The following TRRAP variants were observed in gnomAD, a reference collection of about 807,000 sequenced individuals.
TRRAP encodes transformation/transcription domain-associated protein.
A neutral mutation model predicts 438.8 loss-of-function variants in TRRAP; 41 were observed. The observed-to-expected ratio is 0.09, with a 90% CI of 0.07 to 0.12. The LOEUF (loss-of-function observed/expected upper bound fraction) is 0.12, where lower values mean the gene tolerates loss of function less well. TRRAP is among the 10% of genes least tolerant of loss of function. The probability of loss-of-function intolerance (pLI) is 1.00; values close to 1 mark genes in which losing one functional copy is unlikely to be tolerated. For synonymous variants in TRRAP, 1,994 were observed against 1,962.9 expected, an observed-to-expected ratio of 1.02 and a Z score of -0.42; for missense variants, 3,122 against 5,055.1, an observed-to-expected ratio of 0.62 and a Z score of 11.60.
At position 98,981,877 on chromosome 7, in the gene TRRAP, G is replaced by A; in HGVS notation, c.8743G>A (p.Val2915Met). 1.2e-6 allele frequency: 2 copies of A among 1,609,608 alleles called. No homozygotes were observed. Among genetic ancestry groups the A allele is most frequent in the Non-Finnish European group, 1.7e-6 (2 of 1,178,702 alleles). ...EQQLSFIERL[V>M]EMASSLAIRE... ...GCAGCTCAGCTTCATCGAGCGCCTG[G>A]TGGAGATGGCCAGCAGCCTGGCCAT... The change falls in exon 59 of 73, where the codon GTG becomes ATG. Residue 2915 changes from valine to methionine, a missense_variant. Physicochemically the swap from Val to Met is conservative, Grantham distance 21. Around this residue, in one of 24 missense-constraint regions of TRRAP, gnomAD observed 992 missense variants for 1,281.2 expected, o/e 0.77. Coordinates refer to ENST00000456197, the MANE Select transcript of TRRAP (RefSeq NM_001375524.1).
At chr7:98,953,936 T>C (rs576806606) in intron 40 of TRRAP, among the ~76,000 whole-genome samples, 1 of 152,350 alleles carries the variant, frequency 6.6e-6, no homozygotes, top group South Asian at 2.1e-4. Flanking sequence ...ACAGCTTTGC[T>C]TTTAAAAGGA....
intron 67 of TRRAP, among the ~76,000 whole-genome samples, chr7:99,000,185 T>A (rs925324398): frequency 6.6e-6 from 1 of 152,028 alleles, no homozygotes; most frequent in Non-Finnish European, 1.5e-5. Context: ...AATTTTTGAT[T>A]TTTAGTACAG....
chr7:99,012,538 A>G lies in TRRAP; in HGVS notation c.*183A>G. On this transcript the variant is annotated 3_prime_UTR_variant, in exon 73 of 73. Transcript: ENST00000456197. The surrounding 1 kb of genome is among the most constrained non-coding windows in gnomAD (Gnocchi z 5.9). ...AGAATATAGTTTTAGAGGAAGCTGAACTATGACGATGCTGGGCGAAGCGGT... is the reference window on the plus strand; with the variant it reads ...AGAATATAGTTTTAGAGGAAGCTGAGCTATGACGATGCTGGGCGAAGCGGT... 1 of 733,044 alleles carries G rather than the reference A, an allele frequency of 1.4e-6. No individual in the cohort carries two copies. The highest frequency in any genetic ancestry group is 2.1e-6 in the Non-Finnish European group (1 of 467,694). The allele number at this position is 733,044 out of a possible 1,614,324, so 45.4% of individuals were successfully genotyped here.
chr7:98,997,281 G>C (rs1793711161), intron 67 of TRRAP, among the ~76,000 whole-genome samples: 1 of 151,800 alleles, frequency 6.6e-6, no homozygotes, highest in Non-Finnish European at 1.5e-5. Flanking sequence ...ACTCCAGCCT[G>C]GGCAACAGTG....
rs745895904 is a variant in TRRAP, at chr7:98,994,247, G to A, written c.10048-340G>A. Among the ~76,000 whole-genome samples the A allele has an allele frequency of 1.2e-4, 18 of 152,344 alleles. No homozygotes were observed. Among genetic ancestry groups the A allele is most frequent in the Middle Eastern group, 3.4e-3 (1 of 294 alleles). On this transcript the variant is annotated intron_variant, in intron 66 of 72. Transcript: ENST00000456197. This position sits in a 1 kb window ranked among gnomAD's most constrained non-coding sequence, Gnocchi z 4.8. Reference sequence around the variant, plus strand: ...GAAGTCTCGTGTGTGCACAGTGCACGCAGACACGCGGTGGGAACAGTACAG... The same window carrying A: ...GAAGTCTCGTGTGTGCACAGTGCACACAGACACGCGGTGGGAACAGTACAG...
At chr7:98,970,352 G>A (rs1264596344) in intron 52 of TRRAP, 61 bp downstream of exon 52, 4 of 1,573,380 alleles carry the variant, frequency 2.5e-6, no homozygotes, top group Non-Finnish European at 2.6e-6. Context: ...ACACCCCACG[G>A]GCAGAATCCC....
In TRRAP at chr7:98,935,639, C is replaced by T; in HGVS notation, c.4075C>T (p.Leu1359Phe). ...AACAAAGCTGCCCTGTTATAAAAGC[C>T]TTCCGTCACTCGTACCTTTACGAAT... The part of the protein sequence containing the change: ...ALTKLPCYKS[L>F]PSLVPLRIAA... The change falls in exon 28 of 73, where the codon CTT becomes TTT. Residue 1359 changes from leucine to phenylalanine, a missense_variant. Leu to Phe is a conservative substitution (Grantham distance 22). Coordinates refer to ENST00000456197, the MANE Select transcript of TRRAP (RefSeq NM_001375524.1). The T allele has an allele frequency of 1.2e-6, 2 of 1,604,696 alleles. No individual in the cohort carries two copies. Among genetic ancestry groups the T allele is most frequent in the Non-Finnish European group, 1.7e-6 (2 of 1,172,280 alleles).
rs1427661664 is a variant in TRRAP, at chr7:98,955,323, G to A, written c.5937+19G>A. 5 of 1,590,604 alleles carry A rather than the reference G, an allele frequency of 3.1e-6. No homozygotes were observed. The highest frequency in any genetic ancestry group is 3.4e-6 in the Non-Finnish European group (4 of 1,162,850). ...CTTCAAGGTGTGTAGGAGGGACGGT[G>A]GGCTGCGGGGCGCGCGTCTTCAGGC... On this transcript the variant is annotated intron_variant, in intron 41 of 72. Coordinates refer to ENST00000456197, the MANE Select transcript of TRRAP (RefSeq NM_001375524.1).
rs560206412 is a variant in TRRAP at position 98,965,830 on chromosome 7, C to T, written c.7111C>T (p.Leu2371Phe). Reference protein sequence around the residue: ...LIEKSPDAKILRAVVKIVEEW... With the variant: ...LIEKSPDAKIFRAVVKIVEEW... ...CGAAAAATCACCAGATGCCAAAATCCTCCGGGCTGTGGTCAAAATCGTGGA... is the reference window on the plus strand; with the variant it reads ...CGAAAAATCACCAGATGCCAAAATCTTCCGGGCTGTGGTCAAAATCGTGGA... Residue 2371 changes from leucine to phenylalanine, a missense_variant, in exon 49 of 73, where the codon CTC becomes TTC. Around this residue, in one of 24 missense-constraint regions of TRRAP, gnomAD observed 992 missense variants for 1,281.2 expected, o/e 0.77. Coordinates refer to ENST00000456197, the MANE Select transcript of TRRAP (RefSeq NM_001375524.1). 3 of 1,614,148 alleles carry T rather than the reference C, an allele frequency of 1.9e-6. No homozygotes were observed. The highest frequency in any genetic ancestry group is 2.2e-5 in the East Asian group (1 of 44,868).
intron 30 of TRRAP, among the ~76,000 whole-genome samples, chr7:98,938,638 T>C (rs1790662570): frequency 6.6e-6 from 1 of 152,226 alleles, no homozygotes; most frequent in African/African-American, 2.4e-5. Context: ...TCATTCTGCT[T>C]TATGGCTGCA....
At chr7:98,992,252 G>T (rs1404098592) in intron 65 of TRRAP, 25 bp downstream of exon 65, 1 of 1,612,524 alleles carries the variant, frequency 6.2e-7, no homozygotes, top group Non-Finnish European at 8.5e-7. Context: ...GGGCCGGTAG[G>T]CCAGGCCGGG....
Position 98,984,322 on chromosome 7 carries a change from G to T in TRRAP, c.9252G>T (p.Gln3084His). ...KIRQQVKCYL[Q>H]LAGVMGKNEC... ...GACAGCAAGTTAAATGCTACCTCCA[G>T]CTGGCAGGCGTCATGGGCAAAAACG... Residue 3084 changes from glutamine (Q) to histidine (H), a missense_variant, in exon 61 of 73, where the codon CAG (glutamine) becomes CAT (histidine). Physicochemically the swap from Gln to His is conservative, Grantham distance 24. This residue lies in a region of TRRAP where 129 missense variants were observed against 279.2 expected (regional missense o/e 0.46). Transcript: ENST00000456197. 6.3e-7 allele frequency: 1 copy of T among 1,599,074 alleles called. No homozygotes were observed. Among genetic ancestry groups the T allele is most frequent in the Non-Finnish European group, 8.5e-7 (1 of 1,171,298 alleles).
intron 3 of TRRAP, among the ~76,000 whole-genome samples, chr7:98,888,013 G>A (rs563380859): frequency 6.6e-6 from 1 of 151,912 alleles, no homozygotes; most frequent in Admixed American, 6.6e-5. Context: ...AGCAGATCAC[G>A]AGGTCAGGAG....
At position 98,932,021 on chromosome 7, in the gene TRRAP, C is replaced by T. The variant is rs1376779908; in HGVS notation, c.3852+356C>T. On this transcript the variant is annotated intron_variant, in intron 26 of 72. Transcript: ENST00000456197. ...CCTGGAACTCCTGGGCTCAAGTGAT[C>T]CTCCTGCCTCAGCCTCCTAAGTAGC... 9.2e-5 allele frequency among the ~76,000 whole-genome samples: 14 copies of T among 152,038 alleles called. No homozygotes were observed. The East Asian group carries it at 2.7e-3, about 29-fold the overall frequency.
chr7:98,881,286 A>G (rs898830664), intron 2 of TRRAP, 36 bp downstream of exon 2: 60 of 1,560,648 alleles, frequency 3.8e-5, no homozygotes, highest in Non-Finnish European at 5.1e-5. Flanking sequence ...GAAATGCATA[A>G]ATAAGGCCGG....
At chr7:98,996,892 A>C (rs569858869) in intron 67 of TRRAP, among the ~76,000 whole-genome samples, 1 of 152,340 alleles carries the variant, frequency 6.6e-6, no homozygotes, top group African/African-American at 2.4e-5. Context: ...TTTAAATTTT[A>C]TTTTTAAGAT....
intron 18 of TRRAP, among the ~76,000 whole-genome samples, chr7:98,914,813 GT>G (rs1789448713): frequency 7.2e-6 from 1 of 139,524 alleles, no homozygotes; most frequent in African/African-American, 2.6e-5. Flanking sequence ...AGAACTTTTT[GT>G]CCAGAATAAT....
At chr7:98,966,953 GT>G in intron 49 of TRRAP, 87 bp from the exon 50 acceptor site, 2 of 1,404,284 alleles carry the variant, frequency 1.4e-6, no homozygotes, top group Admixed American at 4.3e-5. Flanking sequence ...TTGTCTTATT[GT>G]GCTTGATAAA....
chr7:98,911,238 G>A lies in TRRAP; in HGVS notation c.1974G>A (p.Met658Ile). The change falls in exon 17 of 73, where the codon ATG (methionine) becomes ATA (isoleucine). Residue 658 changes from methionine to isoleucine, a missense_variant. By Grantham distance (10) the Met-to-Ile change is conservative (BLOSUM62 1). Transcript: ENST00000456197. ...TCTTCCAAACTACGGTCCCTTATAT[G>A]GTGGAGAGAATCTCAAAAAATTATG... is the stretch of plus-strand genomic sequence containing the variant. Reference protein sequence around the residue: ...KEIFQTTVPYMVERISKNYAL... With the variant: ...KEIFQTTVPYIVERISKNYAL... 3 of 1,613,200 alleles carry A rather than the reference G, an allele frequency of 1.9e-6. No individual in the cohort carries two copies. The highest frequency in any genetic ancestry group is 2.5e-6 in the Non-Finnish European group (3 of 1,179,648).
Sources: allele counts gnomAD v4.1 joint callset (sites outside exome capture counted in the v4.1 genomes callset), GRCh38; gene constraint gnomAD v4.1.1; regional missense constraint gnomAD v4.1.1; non-coding constraint Gnocchi (gnomAD v3.1); transcripts MANE v1.5; gene names NCBI Gene and HGNC (gene_info 2026-07-23, HGNC 2026-07-21).